The following CBR4 variants were observed in gnomAD, a reference collection of about 807,000 sequenced individuals.
CBR4 encodes carbonyl reductase 4, also known as 3-oxoacyl-[acyl-carrier-protein] reductase.
Under a neutral mutation model 21.0 loss-of-function variants are expected in CBR4, and 22 were observed. The ratio of observed to expected loss-of-function variants is 1.05; its 90% CI spans 0.75 to 1.50. The LOEUF (loss-of-function observed/expected upper bound fraction) is 1.50. CBR4 is among the 40% of genes most tolerant of loss of function. CBR4 has a pLI of 0.00. For synonymous variants in CBR4, 100 were observed against 104.4 expected, an observed-to-expected ratio of 0.96 and a Z score of 0.26; for missense variants, 302 against 286.3, an observed-to-expected ratio of 1.05 and a Z score of -0.40.
downstream of CBR4, among the ~76,000 whole-genome samples, chr4:168,984,313 A>C (rs1489568415): frequency 6.6e-6 from 1 of 152,152 alleles, no homozygotes; most frequent in African/African-American, 2.4e-5. Flanking sequence ...CACAATAGCC[A>C]CACAAATAAA....
In CBR4 at chr4:168,989,761, G is replaced by A. The variant is rs1251439729; in HGVS notation, c.*389C>T. On this transcript the variant is annotated 3_prime_UTR_variant, in exon 5 of 5. Transcript: ENST00000306193. ...GACTTGCAAAATGTCTATACACTAAGATTGCTACAGTCTATGAGGTAACCA... is the reference window on the plus strand; with the variant it reads ...GACTTGCAAAATGTCTATACACTAAAATTGCTACAGTCTATGAGGTAACCA... 7.1e-6 allele frequency: 7 copies of A among 988,504 alleles called. No homozygotes were observed. The African/African-American group carries it at 1.2e-4, about 17-fold the overall frequency. The allele number at this position is 988,504 out of a possible 1,614,324, so 61.2% of individuals were successfully genotyped here. A position where few individuals can be genotyped will look rare whatever the true frequency, so the allele number is the denominator to read the frequency against.
chr4:168,953,778 CA>C (rs1763611896), intron 2 of CBR4, among the ~76,000 whole-genome samples: 1 of 151,920 alleles, frequency 6.6e-6, no homozygotes, highest in Non-Finnish European at 1.5e-5. Flanking sequence ...CAAAGATTGC[CA>C]AACATTTTAA....
chr4:168,987,133 C>G (rs1237568098), downstream of CBR4, among the ~76,000 whole-genome samples: 1 of 152,152 alleles, frequency 6.6e-6, no homozygotes, highest in African/African-American at 2.4e-5. Context: ...CCAAAGCTTT[C>G]TAATTAAATT....
intron 2 of CBR4, among the ~76,000 whole-genome samples, chr4:168,970,578 A>C (rs1313754337): frequency 6.6e-6 from 1 of 152,096 alleles, no homozygotes; most frequent in East Asian, 1.9e-4. Flanking sequence ...ATTTTGATGT[A>C]TCCATCACCT....
chr4:168,921,646 T>C (rs1761535689), intron 2 of CBR4: 1 of 1,611,526 alleles, frequency 6.2e-7, no homozygotes. Context: ...TCTCTGATCA[T>C]AGAGCCAGTC....
At chr4:168,904,730 A>G (rs1019510899) in intron 2 of CBR4, among the ~76,000 whole-genome samples, 17 of 152,348 alleles carry the variant, frequency 1.1e-4, no homozygotes, top group African/African-American at 3.4e-4. Context: ...TCATCTTTTT[A>G]GAATCTCTGA....
intron 2 of CBR4, among the ~76,000 whole-genome samples, chr4:168,973,864 A>G (rs987656064): frequency 3.3e-5 from 5 of 152,182 alleles, no homozygotes; most frequent in Non-Finnish European, 7.3e-5. Context: ...AATGATCTTT[A>G]TCCATTCTGC....
At chr4:168,996,612 C>T (rs1046481186) in intron 4 of CBR4, among the ~76,000 whole-genome samples, 3 of 152,160 alleles carry the variant, frequency 2.0e-5, no homozygotes, top group African/African-American at 7.2e-5. Flanking sequence ...TTAGACTGTA[C>T]AGTTCTACAG....
intron 2 of CBR4, among the ~76,000 whole-genome samples, chr4:168,947,379 GTTTCT>G (rs953515682): frequency 8.5e-5 from 13 of 152,126 alleles, no homozygotes; most frequent in African/African-American, 2.7e-4. Context: ...TGTCCTCAAT[GTTTCT>G]TTTCTTTTCT....
intron 2 of CBR4, among the ~76,000 whole-genome samples, chr4:168,944,204 G>A (rs1461951895): frequency 6.6e-6 from 1 of 151,944 alleles, no homozygotes; most frequent in African/African-American, 2.4e-5. Context: ...TACCACTTTG[G>A]GAGGCCGAAG....
intron 2 of CBR4, among the ~76,000 whole-genome samples, chr4:168,912,691 T>C (rs1759234194): frequency 6.6e-6 from 1 of 152,188 alleles, no homozygotes; most frequent in Non-Finnish European, 1.5e-5. Context: ...TCATGGTAAT[T>C]AGCATATCTG....
chr4:168,911,585 T>G (rs1758957745), intron 2 of CBR4, among the ~76,000 whole-genome samples: 1 of 152,210 alleles, frequency 6.6e-6, no homozygotes, highest in South Asian at 2.1e-4. Context: ...AGTTGGATAG[T>G]TCATGATGGA....
At chr4:168,983,660 AC>A (rs1446646399), downstream of CBR4, among the ~76,000 whole-genome samples, 6 of 152,154 alleles carry the variant, frequency 3.9e-5, no homozygotes, top group Non-Finnish European at 8.8e-5. Context: ...AAAATCCTCA[AC>A]AAAATACCGG....
chr4:168,926,806 GCA>G (rs1271327033), intron 2 of CBR4: 1 of 226,352 alleles, frequency 4.4e-6, no homozygotes. Flanking sequence ...TGATTCTGAA[GCA>G]CAGTGTATTC....
intron 2 of CBR4, among the ~76,000 whole-genome samples, chr4:168,956,788 C>G (rs975084884): frequency 1.3e-5 from 2 of 151,990 alleles, no homozygotes; most frequent in South Asian, 2.1e-4. Flanking sequence ...GCCAAAAGCA[C>G]GATTAGTTAC....
chr4:168,935,832 C>T (rs1450086869), intron 2 of CBR4, among the ~76,000 whole-genome samples: 2 of 152,168 alleles, frequency 1.3e-5, no homozygotes, highest in African/African-American at 4.8e-5. Flanking sequence ...GCGGTGGGTG[C>T]AGCTTCAGCA....
In CBR4 at chr4:169,004,658, A is replaced by G. The variant is rs1336233748; in HGVS notation, c.400+2097T>C. On this transcript the variant is annotated intron_variant, in intron 3 of 4. Coordinates refer to ENST00000306193, the MANE Select transcript of CBR4 (RefSeq NM_032783.5). ...AGATTGCAGCAATTCAATTTGTGTG[A>G]CTTACATTCTTGACATATTCGCTTT... 2.0e-5 allele frequency among the ~76,000 whole-genome samples: 3 copies of G among 152,176 alleles called. No homozygotes were observed. In the East Asian group the frequency reaches 5.8e-4, roughly 29 times the overall value.
intron 3 of CBR4, among the ~76,000 whole-genome samples, chr4:169,004,463 A>T (rs1730731058): frequency 6.6e-6 from 1 of 152,232 alleles, no homozygotes; most frequent in Non-Finnish European, 1.5e-5. Context: ...TAAAAATTGG[A>T]GCCTCTCCTC....
At chr4:168,920,479 A>AT (rs1478081861) in intron 2 of CBR4, among the ~76,000 whole-genome samples, 1 of 152,186 alleles carries the variant, frequency 6.6e-6, no homozygotes, top group Non-Finnish European at 1.5e-5. Context: ...ATCTTTTTGT[A>AT]TATAACTTCG....
Sources: gnomAD v4.1 joint callset for allele counts (sites outside exome capture counted in the v4.1 genomes callset) on GRCh38, gnomAD v4.1.1 for gene constraint, MANE v1.5 for transcripts, NCBI Gene and HGNC (gene_info 2026-07-23, HGNC 2026-07-21) for gene names.